Variants in COL22A1 observed in about 807,000 individuals in gnomAD.
COL22A1 encodes collagen type XXII alpha 1 chain, also known as collagen alpha-1(XXII) chain.
In COL22A1, 221 loss-of-function variants were observed where a neutral mutation model predicts 248.9. The ratio of observed to expected loss-of-function variants is 0.89; its 90% CI spans 0.80 to 0.99. The LOEUF is 0.99. Ranked by LOEUF, COL22A1 falls within the 50% of genes least tolerant of loss-of-function variation. The probability of loss-of-function intolerance (pLI) is 0.00; values close to 1 mark genes in which losing one functional copy is unlikely to be tolerated. For synonymous variants in COL22A1, 891 were observed against 793.4 expected, an observed-to-expected ratio of 1.12 and a Z score of -2.07; for missense variants, 2,240 against 2,179.0, an observed-to-expected ratio of 1.03 and a Z score of -0.56.
rs138117951 is a variant in COL22A1 at position 138,778,355 on chromosome 8, G to C, written c.1756C>G (p.Pro586Ala). ...LPGPPGRVGA[P>A]GLQGERGEKG... ...CCCAGACAAGTGCCTTCACTTACAG[G>C]AGCTCCGACACGTCCAGGAGGTCCG... The change falls in exon 15 of 65, where the codon CCT becomes GCT. Residue 586 changes from proline to alanine, a missense_variant and splice_region_variant. By Grantham distance (27) the Pro-to-Ala change is conservative. Transcript: ENST00000303045. 37 of 1,613,938 alleles carry C rather than the reference G, an allele frequency of 2.3e-5. No individual in the cohort carries two copies. The African/African-American group carries it at 4.1e-4, about 18-fold the overall frequency.
chr8:138,881,904 C>T (rs957080044), intron 2 of COL22A1, among the ~76,000 whole-genome samples: 4 of 152,148 alleles, frequency 2.6e-5, no homozygotes, highest in African/African-American at 9.7e-5. Flanking sequence ...TCCCCCAGGG[C>T]AGGGGCCCTC....
At chr8:138,729,286 C>T (rs1830541133) in intron 23 of COL22A1, among the ~76,000 whole-genome samples, 1 of 152,196 alleles carries the variant, frequency 6.6e-6, no homozygotes, top group South Asian at 2.1e-4. Context: ...CCTGCTGTTA[C>T]AGCCCCTTTC....
Position 138,613,623 on chromosome 8 carries a change from C to A in COL22A1, c.3978+244G>T, listed in dbSNP as rs528635714. Among the ~76,000 whole-genome samples, 6 of 151,836 alleles carry A rather than the reference C, an allele frequency of 4.0e-5. No homozygotes were observed. The South Asian group carries it at 1.3e-3, about 32-fold the overall frequency. On this transcript the variant is annotated intron_variant, in intron 56 of 64. Transcript: ENST00000303045. ...CCTCGGGGCAAGGTCCTATAGAGCT[C>A]CAGCAGTGCCCCGTGGCACCTTTGT... is the stretch of plus-strand genomic sequence containing the variant.
chr8:138,617,849 T>C (rs750430273), intron 53 of COL22A1, among the ~76,000 whole-genome samples: 4 of 152,204 alleles, frequency 2.6e-5, no homozygotes, highest in Non-Finnish European at 5.9e-5. Flanking sequence ...GGCTAGAACC[T>C]ACTTCTGCAG....
At chr8:138,624,907 C>A (rs1820113583) in intron 51 of COL22A1, among the ~76,000 whole-genome samples, 1 of 152,202 alleles carries the variant, frequency 6.6e-6, no homozygotes, top group Admixed American at 6.5e-5. Flanking sequence ...TTGCTGTGTG[C>A]TCACTATGTG....
chr8:138,611,083 C>T lies in COL22A1; in HGVS notation c.3978+2784G>A, dbSNP rs576347913. On this transcript the variant is annotated intron_variant, in intron 56 of 64. Coordinates refer to ENST00000303045, the MANE Select transcript of COL22A1 (RefSeq NM_152888.3). ...CCTGTCTCAAAAAAAGAAGTCACTTCGCTTTCCCTCTTCTGTGCCTTTGAA... is the reference window on the plus strand; with the variant it reads ...CCTGTCTCAAAAAAAGAAGTCACTTTGCTTTCCCTCTTCTGTGCCTTTGAA... 3.3e-5 allele frequency among the ~76,000 whole-genome samples: 5 copies of T among 152,290 alleles called. No homozygotes were observed. In the East Asian group the frequency reaches 7.7e-4, roughly 24 times the overall value.
chr8:138,779,114 A>G (rs1814731835), intron 14 of COL22A1, among the ~76,000 whole-genome samples: 1 of 152,236 alleles, frequency 6.6e-6, no homozygotes, highest in Non-Finnish European at 1.5e-5. Context: ...AAATGACATT[A>G]GTATAGTCCT....
At chr8:138,616,980 T>C (rs763936118) in intron 53 of COL22A1, 22 bp from the exon 54 acceptor site, 4 of 1,613,968 alleles carry the variant, frequency 2.5e-6, no homozygotes, top group Non-Finnish European at 3.4e-6. Flanking sequence ...AGAATGGAGT[T>C]ATTCCATGAT....
intron 35 of COL22A1, among the ~76,000 whole-genome samples, chr8:138,691,767 CGT>C (rs1826939487): frequency 7.8e-6 from 1 of 128,412 alleles, no homozygotes; most frequent in African/African-American, 3.1e-5. Flanking sequence ...TATGTGTACA[CGT>C]AAGTGTGTGC....
chr8:138,886,087 ACATCTGGAGAAATTATTC>A (rs1265481417), intron 1 of COL22A1, among the ~76,000 whole-genome samples: 5 of 152,206 alleles, frequency 3.3e-5, no homozygotes, highest in African/African-American at 1.2e-4. Context: ...CTGGATGCTT[ACATCTGGAGAAATTATTC>A]CCCGTATCAC....
intron 18 of COL22A1, among the ~76,000 whole-genome samples, chr8:138,757,251 A>T (rs1295849388): frequency 6.6e-6 from 1 of 151,958 alleles, no homozygotes; most frequent in Non-Finnish European, 1.5e-5. Flanking sequence ...ACTCCCACAA[A>T]CCTTATTCAT....
chr8:138,614,967 C>T (rs1819192088), intron 55 of COL22A1, among the ~76,000 whole-genome samples: 1 of 152,198 alleles, frequency 6.6e-6, no homozygotes, highest in African/African-American at 2.4e-5. Context: ...GAAGGACCCA[C>T]ATGGTGGGCA....
chr8:138,803,736 C>T (rs1167318190), intron 10 of COL22A1, among the ~76,000 whole-genome samples: 2 of 152,166 alleles, frequency 1.3e-5, no homozygotes, highest in African/African-American at 4.8e-5. Context: ...AAATCTCCTG[C>T]CATCTCATGA....
In COL22A1 at chr8:138,716,888, A is replaced by T; in HGVS notation, c.2356-19T>A. 6.3e-7 allele frequency: 1 copy of T among 1,592,492 alleles called. No homozygotes were observed. Among genetic ancestry groups the T allele is most frequent in the Non-Finnish European group, 8.6e-7 (1 of 1,160,292 alleles). On this transcript the variant is annotated intron_variant, in intron 27 of 64. Coordinates refer to ENST00000303045, the MANE Select transcript of COL22A1 (RefSeq NM_152888.3). Reference sequence around the variant, plus strand: ...TTTCTCCCTGAAAATGCAATAAAACATACCCCATTATTCTCCATTCACTTT... The same window carrying T: ...TTTCTCCCTGAAAATGCAATAAAACTTACCCCATTATTCTCCATTCACTTT...
intron 41 of COL22A1, among the ~76,000 whole-genome samples, chr8:138,668,852 C>T (rs1824751358): frequency 6.6e-6 from 1 of 152,160 alleles, no homozygotes; most frequent in Admixed American, 6.5e-5. Flanking sequence ...CCTAGAGCTA[C>T]TGGCATCAGC....
intron 3 of COL22A1, among the ~76,000 whole-genome samples, chr8:138,876,112 C>T (rs1261197891): frequency 6.6e-6 from 1 of 152,274 alleles, no homozygotes; most frequent in East Asian, 1.9e-4. Flanking sequence ...CACACAAGGC[C>T]CCCCTTTATG....
At chr8:138,615,786 A>G (rs1192862650) in intron 55 of COL22A1, among the ~76,000 whole-genome samples, 1 of 152,154 alleles carries the variant, frequency 6.6e-6, no homozygotes, top group Non-Finnish European at 1.5e-5. Flanking sequence ...ATCATGACTG[A>G]TCCAGAAAAG....
chr8:138,871,783 ACT>A (rs918358331), intron 3 of COL22A1, among the ~76,000 whole-genome samples: 3 of 152,228 alleles, frequency 2.0e-5, no homozygotes, highest in Admixed American at 2.0e-4. Context: ...TCCATTCCCA[ACT>A]ATATATATAA....
intron 49 of COL22A1, among the ~76,000 whole-genome samples, chr8:138,634,360 TG>T (rs1820968652): frequency 6.6e-6 from 1 of 152,138 alleles, no homozygotes; most frequent in South Asian, 2.1e-4. Flanking sequence ...GTGGAACCCA[TG>T]GGAAATCCCA....
Sources: gnomAD v4.1 joint callset for allele counts (sites outside exome capture counted in the v4.1 genomes callset) on GRCh38, gnomAD v4.1.1 for gene constraint, MANE v1.5 for transcripts, NCBI Gene and HGNC (gene_info 2026-07-23, HGNC 2026-07-21) for gene names.